Variants in ENOX2 observed in about 807,000 individuals in gnomAD.
ENOX2 encodes the protein ecto-NOX disulfide-thiol exchanger 2, also known as APK1 antigen.
A neutral mutation model predicts 45.0 loss-of-function variants in ENOX2; 36 were observed. That is an observed-to-expected ratio of 0.80 (90% confidence interval 0.61 to 1.06). The LOEUF is 1.06. Ranked by LOEUF, ENOX2 falls within the 50% of genes least tolerant of loss-of-function variation. ENOX2 has a pLI of 0.00. For synonymous variants in ENOX2, 174 were observed against 152.3 expected, an observed-to-expected ratio of 1.14 and a Z score of -1.05; for missense variants, 423 against 462.5, an observed-to-expected ratio of 0.91 and a Z score of 0.78.
At chrX:130,891,813 T>C (rs888135025) in intron 2 of ENOX2, among the ~76,000 whole-genome samples, 2 of 111,897 alleles carry the variant, frequency 1.8e-5, no homozygotes, top group African/African-American at 3.2e-5. Flanking sequence ...ATAAATTACA[T>C]GCTGATTCAA....
chrX:130,639,745 A>C (rs2036029862), intron 10 of ENOX2, among the ~76,000 whole-genome samples: 1 of 112,187 alleles, frequency 8.9e-6, no homozygotes. Context: ...AGAAATTCAA[A>C]GAAAGAATAA....
intron 3 of ENOX2, among the ~76,000 whole-genome samples, chrX:130,759,577 CAA>C (rs753411112): frequency 3.5e-4 from 7 of 19,940 alleles, no homozygotes; most frequent in African/African-American, 7.1e-4. Flanking sequence ...GACTATGTAC[CAA>C]AAAAAAAAAA....
chrX:130,748,810 A>G (rs1351598519), intron 3 of ENOX2, among the ~76,000 whole-genome samples: 1 of 111,775 alleles, frequency 8.9e-6, no homozygotes, highest in African/African-American at 3.3e-5. Flanking sequence ...GCCCTGGAGT[A>G]CTGAACTTCC....
chrX:130,655,035 C>G (rs146714995), intron 10 of ENOX2, among the ~76,000 whole-genome samples: 45 of 112,225 alleles, frequency 4.0e-4, no homozygotes, highest in Non-Finnish European at 5.8e-4. Flanking sequence ...GTGTACAATA[C>G]TGTAGATACT....
At chrX:130,632,420 A>T (rs1220131332) in intron 12 of ENOX2, among the ~76,000 whole-genome samples, 1 of 102,848 alleles carries the variant, frequency 9.7e-6, no homozygotes, top group African/African-American at 3.5e-5. Flanking sequence ...CCAGCAGTCA[A>T]ACTGAAAAAT....
chrX:130,772,977 T>C (rs1170272081), intron 3 of ENOX2, among the ~76,000 whole-genome samples: 2 of 112,487 alleles, frequency 1.8e-5, no homozygotes, highest in Non-Finnish European at 3.8e-5. Flanking sequence ...CACTCTTTCA[T>C]AGCATTCAGC....
chrX:130,729,924 G>A (rs1475768801), intron 3 of ENOX2, among the ~76,000 whole-genome samples: 1 of 112,224 alleles, frequency 8.9e-6, no homozygotes, highest in African/African-American at 3.2e-5. Flanking sequence ...ATCATCCAAG[G>A]TATTGTGTGT....
intron 2 of ENOX2, among the ~76,000 whole-genome samples, chrX:130,860,558 C>T: frequency 9.0e-6 from 1 of 111,647 alleles, no homozygotes; most frequent in South Asian, 3.8e-4. Flanking sequence ...AACCTCCTTC[C>T]TCAGAAGGAA....
Position 130,628,056 on chromosome X carries a change from G to C in ENOX2, c.1529-13C>G. On this transcript the variant is annotated splice_polypyrimidine_tract_variant and intron_variant, in intron 13 of 14. Transcript: ENST00000394363. The stretch of plus-strand genomic sequence containing the variant: ...GTGGAGATAATCCCTACAGAGACAA[G>C]AGCATGGAGGTTATACTTGAGCCTT... 1 of 1,129,348 alleles carries C rather than the reference G, an allele frequency of 8.9e-7. No individual in the cohort carries two copies. The highest frequency in any genetic ancestry group is 1.8e-5 in the South Asian group (1 of 54,854). 93.1% of individuals were successfully genotyped at this position (1,129,348 alleles called of 1,213,427 possible).
At chrX:130,879,028 A>C (rs2078758774) in intron 2 of ENOX2, among the ~76,000 whole-genome samples, 2 of 111,961 alleles carry the variant, frequency 1.8e-5, no homozygotes, top group South Asian at 7.4e-4. Flanking sequence ...TCCTTACCAC[A>C]AATTGAGGTG....
intron 2 of ENOX2, among the ~76,000 whole-genome samples, chrX:130,847,349 C>T (rs2078127324): frequency 9.0e-6 from 1 of 111,533 alleles, no homozygotes; most frequent in African/African-American, 3.3e-5. Context: ...TCCATCTGTA[C>T]ATTATATTTC....
chrX:130,861,385 GT>G (rs2078405765), intron 2 of ENOX2, among the ~76,000 whole-genome samples: 1 of 110,789 alleles, frequency 9.0e-6, no homozygotes, highest in Admixed American at 9.6e-5. Flanking sequence ...AGAAAAGGTG[GT>G]GTACATACAC....
At chrX:130,769,480 G>C (rs761798410) in intron 3 of ENOX2, among the ~76,000 whole-genome samples, 1 of 112,080 alleles carries the variant, frequency 8.9e-6, no homozygotes, top group Non-Finnish European at 1.9e-5. Context: ...CAGTGGTACT[G>C]ATTAAATGAG....
At chrX:130,679,250 T>A (rs1222357946) in intron 6 of ENOX2, among the ~76,000 whole-genome samples, 1 of 110,509 alleles carries the variant, frequency 9.0e-6, no homozygotes, top group Admixed American at 9.7e-5. Flanking sequence ...CTTAGTGTGG[T>A]TGGGACATGG....
chrX:130,640,303 C>T (rs1314919377), intron 10 of ENOX2, among the ~76,000 whole-genome samples: 4 of 112,344 alleles, frequency 3.6e-5, no homozygotes, highest in Admixed American at 1.9e-4. Flanking sequence ...GAAAAAGGAA[C>T]GCTTTTACAC....
intron 3 of ENOX2, among the ~76,000 whole-genome samples, chrX:130,730,601 C>T: frequency 8.9e-6 from 1 of 112,231 alleles, no homozygotes; most frequent in African/African-American, 3.2e-5. Flanking sequence ...ACCTGTGACA[C>T]AGCTTCAGGA....
chrX:130,808,895 C>T (rs2077348907), intron 2 of ENOX2, among the ~76,000 whole-genome samples: 2 of 112,207 alleles, frequency 1.8e-5, no homozygotes, highest in South Asian at 3.7e-4. Flanking sequence ...GACTAAACTA[C>T]TAATTTTATA....
chrX:130,684,642 A>G (rs899361633), intron 5 of ENOX2, among the ~76,000 whole-genome samples: 4 of 111,908 alleles, frequency 3.6e-5, no homozygotes, highest in African/African-American at 1.3e-4. Context: ...TTTATTGAAC[A>G]CCTACTATAT....
intron 4 of ENOX2, among the ~76,000 whole-genome samples, chrX:130,690,634 G>A (rs1444984789): frequency 8.9e-6 from 1 of 111,934 alleles, no homozygotes; most frequent in Non-Finnish European, 1.9e-5. Flanking sequence ...CACCACACAG[G>A]CCAGAAGAGC....
Sources: gnomAD v4.1 joint callset for allele counts (sites outside exome capture counted in the v4.1 genomes callset) on GRCh38, gnomAD v4.1.1 for gene constraint, MANE v1.5 for transcripts, NCBI Gene and HGNC (gene_info 2026-07-23, HGNC 2026-07-21) for gene names.